Variants in NLRP1 observed in about 807,000 individuals in gnomAD.
NLRP1 encodes the protein NLR family pyrin domain containing 1.
A neutral mutation model predicts 136.7 loss-of-function variants in NLRP1; 94 were observed. The observed-to-expected ratio is 0.69, with a 90% confidence interval of 0.58 to 0.82. The LOEUF (loss-of-function observed/expected upper bound fraction) is 0.82. Ranked by LOEUF, NLRP1 falls within the 40% of genes least tolerant of loss-of-function variation. NLRP1 has a pLI of 0.00. For missense variants in NLRP1, 1,575 were observed against 1,802.7 expected, an observed-to-expected ratio of 0.87 and a Z score of 2.29; for synonymous variants, 690 against 725.1, an observed-to-expected ratio of 0.95 and a Z score of 0.78.
rs960120841 is a variant in NLRP1, at chr17:5,531,135, GTCTTGTCTGTCTA to G, written c.3297-444_3297-432del. ...TATATGTGCTAAGATTATCTGTCTT[GTCTTGTCTGTCTA>G]TCTATCTATCTATCTAATCTATCTA... On this transcript the variant is annotated intron_variant, in intron 11 of 16. Coordinates refer to ENST00000572272, the MANE Select transcript of NLRP1 (RefSeq NM_033004.4). Among the ~76,000 whole-genome samples the G allele has an allele frequency of 6.7e-3, 895 of 134,238 alleles. 8 individuals carry two copies. Among genetic ancestry groups the G allele is most frequent in the African/African-American group, 0.022 (858 of 38,788 alleles). 88.1% of individuals were successfully genotyped at this position (134,238 alleles called of 152,430 possible). A position where few individuals can be genotyped will look rare whatever the true frequency, so the allele number is the denominator to read the frequency against.
At chr17:5,569,272 C>T (rs918199234) in intron 3 of NLRP1, among the ~76,000 whole-genome samples, 4 of 152,088 alleles carry the variant, frequency 2.6e-5, no homozygotes, top group East Asian at 1.9e-4. Flanking sequence ...TCACACATAT[C>T]GATATTAATC....
intron 8 of NLRP1, among the ~76,000 whole-genome samples, chr17:5,535,929 G>C (rs1300073104): frequency 6.6e-6 from 1 of 152,204 alleles, no homozygotes; most frequent in Non-Finnish European, 1.5e-5. Context: ...GGTGGTGGTG[G>C]TGAGGGTGGT....
chr17:5,539,230 C>T (rs936199148), intron 7 of NLRP1, among the ~76,000 whole-genome samples, 185 bp downstream of exon 7: 5 of 152,176 alleles, frequency 3.3e-5, no homozygotes, highest in Admixed American at 2.0e-4. Context: ...TATGATACTC[C>T]CATTCCACAG....
Position 5,521,714 on chromosome 17 carries a change from G to A in NLRP1, c.3593C>T (p.Ala1198Val), listed in dbSNP as rs760839301. Residue 1198 changes from alanine (A) to valine (V), a missense_variant, in exon 13 of 17, where the codon GCC becomes GTC. Transcript: ENST00000572272. ...KEEGMLLEKPARVELHHIVLE... is the reference protein window; with the variant it reads ...KEEGMLLEKPVRVELHHIVLE... ...AACTATGTGATGCAGCTCCACCCTG[G>A]CTGGCTTCTCCAGGAGCATCCCCTC... The A allele has an allele frequency of 3.1e-6, 5 of 1,613,250 alleles. No individual in the cohort carries two copies. The African/African-American group carries it at 4.0e-5, about 13-fold the overall frequency.
intron 4 of NLRP1, 120 bp from the exon 5 acceptor site, chr17:5,553,676 G>A (rs868152160): frequency 8.4e-6 from 7 of 834,592 alleles, no homozygotes; most frequent in South Asian, 6.8e-5. Flanking sequence ...AGCGGGTAGT[G>A]CCATCTCCAG....
intron 3 of NLRP1, among the ~76,000 whole-genome samples, chr17:5,575,417 G>A (rs1904911508): frequency 6.6e-6 from 1 of 152,090 alleles, no homozygotes; most frequent in South Asian, 2.1e-4. Context: ...CAAAATAAAG[G>A]GATGGAGGAA....
At chr17:5,522,119 C>G (rs1908986545) in intron 12 of NLRP1, among the ~76,000 whole-genome samples, 1 of 152,264 alleles carries the variant, frequency 6.6e-6, no homozygotes, top group African/African-American at 2.4e-5. Flanking sequence ...GCCGCTGCAT[C>G]CAGCCCAAGA....
intron 8 of NLRP1, among the ~76,000 whole-genome samples, chr17:5,535,180 A>T (rs2151763146): frequency 6.6e-6 from 1 of 151,988 alleles, no homozygotes; most frequent in East Asian, 1.9e-4. Context: ...AGATCATGCC[A>T]TTGCACTCCA....
chr17:5,506,902 CAAAAA>C (rs199684717), intron 15 of NLRP1, among the ~76,000 whole-genome samples: 4,357 of 88,674 alleles, frequency 0.049, 129 homozygotes, highest in East Asian at 0.16. Flanking sequence ...AACTCCATCT[CAAAAA>C]AAAAAAAAAA....
chr17:5,525,585 C>G (rs955353914), intron 12 of NLRP1, among the ~76,000 whole-genome samples: 8 of 152,160 alleles, frequency 5.3e-5, no homozygotes, highest in Non-Finnish European at 1.2e-4. Flanking sequence ...GGCTCTCCTA[C>G]TCAAGCAGGG....
intron 5 of NLRP1, among the ~76,000 whole-genome samples, chr17:5,551,438 G>A (rs1290745318): frequency 6.6e-6 from 1 of 152,092 alleles, no homozygotes; most frequent in South Asian, 2.1e-4. Flanking sequence ...CTTTCTGAAG[G>A]GCAGCTTGCT....
chr17:5,577,957 A>G (rs912512022), intron 3 of NLRP1, among the ~76,000 whole-genome samples: 11 of 152,164 alleles, frequency 7.2e-5, no homozygotes, highest in Non-Finnish European at 1.6e-4. Context: ...ATAATACCAC[A>G]CATCTACAAC....
intron 8 of NLRP1, 152 bp downstream of exon 8, chr17:5,536,699 C>T (rs1911114735): frequency 1.8e-6 from 1 of 565,076 alleles, no homozygotes; most frequent in Non-Finnish European, 3.2e-6. Context: ...GGATTTGATT[C>T]TACTTGCACT....
chr17:5,535,294 G>T (rs1241187319), intron 8 of NLRP1, among the ~76,000 whole-genome samples: 1 of 152,146 alleles, frequency 6.6e-6, no homozygotes, highest in East Asian at 1.9e-4. Flanking sequence ...TGGGGCCTGA[G>T]AATTTGCAGT....
intron 3 of NLRP1, among the ~76,000 whole-genome samples, chr17:5,561,151 G>A (rs188194520): frequency 4.9e-4 from 75 of 152,286 alleles, no homozygotes; most frequent in Admixed American, 2.5e-3. Context: ...CCGCCTCCCA[G>A]GGTCAAGCGA....
At chr17:5,509,861 C>G (rs1467167601), downstream of NLRP1, among the ~76,000 whole-genome samples, 1 of 152,046 alleles carries the variant, frequency 6.6e-6, no homozygotes, top group Non-Finnish European at 1.5e-5. Context: ...AAGTGGCCCA[C>G]TTTAAAGAGA....
At chr17:5,517,932 G>A in intron 14 of NLRP1, 45 bp from the exon 15 acceptor site, 5 of 1,606,562 alleles carry the variant, frequency 3.1e-6, no homozygotes, top group South Asian at 1.1e-5. Flanking sequence ...CATCTTGCAT[G>A]GAAGGTCTTT....
Position 5,541,005 on chromosome 17 carries a change from G to A in NLRP1, c.2699+852C>T, listed in dbSNP as rs1269495517. Among the ~76,000 whole-genome samples, 3 of 152,168 alleles carry A rather than the reference G, an allele frequency of 2.0e-5. No individual in the cohort carries two copies. The highest frequency in any genetic ancestry group is 3.2e-3 in the Middle Eastern group (1 of 316). ...ATAACTTTGTGCATCAAGGGAGGAG[G>A]CCCAGCAGGACCAGGGAGAGGTAAC... On this transcript the variant is annotated intron_variant, in intron 6 of 16. Coordinates refer to ENST00000572272, the MANE Select transcript of NLRP1 (RefSeq NM_033004.4). The surrounding 1 kb of genome is among the most constrained non-coding windows in gnomAD (Gnocchi z 4.2).
rs371795707 is a variant in NLRP1 at position 5,536,845 on chromosome 17, C to G, written c.2960+6G>C. 5.0e-6 allele frequency: 8 copies of G among 1,607,252 alleles called. No homozygotes were observed. The highest frequency in any genetic ancestry group is 2.7e-5 in the African/African-American group (2 of 74,774). ...CAGCCAGAGGGAGTTCTGGGTCCCCCCTTACCGTCTGCTGAAGATGAGCAG... is the reference window on the plus strand; with the variant it reads ...CAGCCAGAGGGAGTTCTGGGTCCCCGCTTACCGTCTGCTGAAGATGAGCAG... On this transcript the variant is annotated splice_donor_region_variant and intron_variant, in intron 8 of 16. Coordinates refer to ENST00000572272, the MANE Select transcript of NLRP1 (RefSeq NM_033004.4).
Sources: allele counts gnomAD v4.1 joint callset (sites outside exome capture counted in the v4.1 genomes callset), GRCh38; gene constraint gnomAD v4.1.1; non-coding constraint Gnocchi (gnomAD v3.1); transcripts MANE v1.5; gene names NCBI Gene and HGNC (gene_info 2026-07-23, HGNC 2026-07-21).